PVT1: variants seen among roughly 807,000 people sequenced by gnomAD.
PVT1 encodes CXCR4/PVT1 fusion.
chr8:128,039,451 G>T (rs1813505920), intron 4 of PVT1, among the ~76,000 whole-genome samples: 1 of 152,182 alleles, frequency 6.6e-6, no homozygotes, highest in African/African-American at 2.4e-5. Context: ...ATGCCCTAAA[G>T]TCATGGCCCT....
At chr8:127,936,139 C>A (rs1383820044) in intron 3 of PVT1, among the ~76,000 whole-genome samples, 4 of 150,924 alleles carry the variant, frequency 2.7e-5, no homozygotes, top group Admixed American at 2.6e-4. Context: ...ACAACCTCCG[C>A]GTCCCAGGTT....
intron 2 of PVT1, among the ~76,000 whole-genome samples, chr8:127,839,825 C>A (rs912413513): frequency 6.6e-6 from 1 of 152,062 alleles, no homozygotes; most frequent in Non-Finnish European, 1.5e-5. Context: ...GTTGCCAGGG[C>A]TGGGGAGGAT....
At chr8:127,850,270 A>G (rs1264782571) in intron 2 of PVT1, among the ~76,000 whole-genome samples, 1 of 152,156 alleles carries the variant, frequency 6.6e-6, no homozygotes, top group Admixed American at 6.5e-5. Context: ...CTGGTTTACA[A>G]CATAGGTTAT....
intron 2 of PVT1, among the ~76,000 whole-genome samples, chr8:127,832,751 G>C (rs189903821): frequency 7.5e-4 from 114 of 152,220 alleles, no homozygotes; most frequent in African/African-American, 2.7e-3. Context: ...CCAGCTACTT[G>C]GGAGGCTGAG....
At chr8:128,013,896 C>T (rs1817342654) in intron 4 of PVT1, among the ~76,000 whole-genome samples, 1 of 152,310 alleles carries the variant, frequency 6.6e-6, no homozygotes, top group South Asian at 2.1e-4. Flanking sequence ...CTCAATTTAG[C>T]TTAAACATCA....
At chr8:127,953,394 C>T (rs1816530701) in intron 3 of PVT1, among the ~76,000 whole-genome samples, 1 of 152,186 alleles carries the variant, frequency 6.6e-6, no homozygotes, top group African/African-American at 2.4e-5. Flanking sequence ...TCAAACCCCA[C>T]TCTTGTCTCC....
chr8:127,980,230 AG>A (rs889027046), intron 3 of PVT1, among the ~76,000 whole-genome samples: 11 of 152,288 alleles, frequency 7.2e-5, no homozygotes, highest in African/African-American at 2.6e-4. Context: ...AGTACATAAA[AG>A]CACACAGTAT....
At chr8:127,945,437 AC>A (rs1356134193) in intron 3 of PVT1, among the ~76,000 whole-genome samples, 2 of 152,114 alleles carry the variant, frequency 1.3e-5, no homozygotes, top group African/African-American at 4.8e-5. Flanking sequence ...CCATCTGGTC[AC>A]CCACATTTGA....
At chr8:127,887,080 C>G (rs1205414061) in intron 2 of PVT1, among the ~76,000 whole-genome samples, 1 of 152,212 alleles carries the variant, frequency 6.6e-6, no homozygotes, top group Non-Finnish European at 1.5e-5. Flanking sequence ...TCCATACAAA[C>G]TTGGCTCAGG....
chr8:127,948,093 G>T (rs1261638182), intron 3 of PVT1: 3 of 376,224 alleles, frequency 8.0e-6, no homozygotes, highest in African/African-American at 6.4e-5. Flanking sequence ...GCCAGCCCCG[G>T]TCAGCCTGCC....
At chr8:127,828,264 C>A (rs1814813548) in intron 2 of PVT1, among the ~76,000 whole-genome samples, 1 of 152,120 alleles carries the variant, frequency 6.6e-6, no homozygotes. Context: ...CCTTGTTGTA[C>A]AGGTGAGGGA....
chr8:127,996,035 G>A (rs987394209), intron 4 of PVT1, among the ~76,000 whole-genome samples: 1 of 152,034 alleles, frequency 6.6e-6, no homozygotes, highest in Non-Finnish European at 1.5e-5. Flanking sequence ...ATTCCCCAAA[G>A]CAGACACCTT....
intron 2 of PVT1, among the ~76,000 whole-genome samples, chr8:127,834,717 CA>C (rs1241497539): frequency 6.6e-6 from 1 of 151,998 alleles, no homozygotes; most frequent in African/African-American, 2.4e-5. Context: ...CTTAAATTTA[CA>C]GGGGAAAAAA....
chr8:127,856,522 A>G (rs1040097090), intron 2 of PVT1, among the ~76,000 whole-genome samples: 1 of 151,556 alleles, frequency 6.6e-6, no homozygotes, highest in African/African-American at 2.4e-5. Context: ...TGTATTTTTG[A>G]TAGAGACGGG....
At chr8:128,028,023 C>G (rs943228862) in intron 4 of PVT1, among the ~76,000 whole-genome samples, 4 of 152,268 alleles carry the variant, frequency 2.6e-5, no homozygotes, top group Non-Finnish European at 5.9e-5. Context: ...AGTCCTCCCA[C>G]TGCTGTCTCC....
intron 4 of PVT1, among the ~76,000 whole-genome samples, chr8:128,004,879 G>A (rs544765138): frequency 5.9e-4 from 90 of 152,288 alleles, no homozygotes; most frequent in African/African-American, 2.0e-3. Flanking sequence ...AGTGGCTCAC[G>A]CCTGTAATCC....
rs147269597 is a variant in PVT1, at chr8:127,977,067, C to T, written n.783-12095C>T. On this transcript the variant is annotated intron_variant and non_coding_transcript_variant, in intron 3 of 10. Coordinates refer to ENST00000651587, the Ensembl canonical transcript of PVT1. ...ACCACTTAGCAAATAGCCTCTGTGA[C>T]GCCACTGGTTTTGTGATTTTCCCAA... is the stretch of plus-strand genomic sequence containing the variant. 3.7e-4 allele frequency among the ~76,000 whole-genome samples: 56 copies of T among 152,290 alleles called. No individual in the cohort carries two copies. The Middle Eastern group carries it at 0.014, about 37-fold the overall frequency.
intron 2 of PVT1, among the ~76,000 whole-genome samples, chr8:127,824,418 G>A (rs1341124762): frequency 1.3e-5 from 2 of 151,994 alleles, no homozygotes; most frequent in South Asian, 2.1e-4. Flanking sequence ...TTGGCCTCCC[G>A]AAGTGTTGGG....
At chr8:127,863,465 T>C (rs1474744696) in intron 2 of PVT1, among the ~76,000 whole-genome samples, 2 of 152,210 alleles carry the variant, frequency 1.3e-5, no homozygotes, top group Non-Finnish European at 2.9e-5. Flanking sequence ...AACTTCTCTC[T>C]TCCCTTCTGT....
Sources: allele counts gnomAD v4.1 joint callset (sites outside exome capture counted in the v4.1 genomes callset), GRCh38; gene constraint gnomAD v4.1.1; transcripts MANE v1.5; gene names NCBI Gene and HGNC (gene_info 2026-07-23, HGNC 2026-07-21).